The following IQCN variants were observed in gnomAD, a reference collection of about 807,000 sequenced individuals.
The protein encoded by IQCN is IQ domain-containing protein N.
In IQCN, 46 loss-of-function variants were observed where a neutral mutation model predicts 64.4. The ratio of observed to expected loss-of-function variants is 0.71; its 90% CI spans 0.56 to 0.91. The LOEUF (loss-of-function observed/expected upper bound fraction) is 0.91. Ranked by LOEUF, IQCN falls within the 40% of genes least tolerant of loss-of-function variation. The pLI is 0.00. For missense variants in IQCN, 1,753 were observed against 1,857.4 expected, an observed-to-expected ratio of 0.94 and a Z score of 1.03; for synonymous variants, 733 against 775.6, an observed-to-expected ratio of 0.95 and a Z score of 0.91.
At chr19:18,270,080 T>TAGG (rs1969702658) in intron 1 of IQCN, among the ~76,000 whole-genome samples, 1 of 99,046 alleles carries the variant, frequency 1.0e-5, no homozygotes, top group Non-Finnish European at 1.9e-5. Flanking sequence ...AAAAAAAAAT[T>TAGG]GGCCAGGCGT....
chr19:18,263,217 T>TTGAC (rs917280423), intron 3 of IQCN, among the ~76,000 whole-genome samples: 1 of 152,232 alleles, frequency 6.6e-6, no homozygotes, highest in African/African-American at 2.4e-5. Context: ...ATCTATCTTG[T>TTGAC]TGACGGCAGG....
Position 18,266,951 on chromosome 19 carries a change from A to G in IQCN, c.589T>C (p.Cys197Arg), listed in dbSNP as rs12609001. The G allele has an allele frequency of 0.15, 236,233 of 1,611,858 alleles. 18,841 individuals carry two copies. Among genetic ancestry groups the G allele is most frequent in the East Asian group, 0.29 (13,149 of 44,832 alleles). Residue 197 changes from cysteine to arginine, a missense_variant, in exon 3 of 4, where the codon TGT (cysteine) becomes CGT (arginine). Cys to Arg is a radical substitution (Grantham distance 180). Coordinates refer to ENST00000392413, the MANE Select transcript of IQCN (RefSeq NM_001145304.2). The surrounding 1 kb of genome is among the most constrained non-coding windows in gnomAD (Gnocchi z 4.3). ...GGTCTGCAGAGGACCAGATTGTCAC[A>G]GGAAGGGAACTGGGTCTCCTTGTTC... is the stretch of plus-strand genomic sequence containing the variant. Reference protein sequence around the residue: ...MVNKETQFPSCDNLVLCRPQS... With the variant: ...MVNKETQFPSRDNLVLCRPQS...
At position 18,265,452 on chromosome 19, in the gene IQCN, C is replaced by A; in HGVS notation, c.2088G>T (p.Leu696=). 1.2e-6 allele frequency: 2 copies of A among 1,613,902 alleles called. No homozygotes were observed. Among genetic ancestry groups the A allele is most frequent in the Non-Finnish European group, 1.7e-6 (2 of 1,179,858 alleles). ...PLTKASSQGH[L]PTELTKTPSL... ...ATGGGGTCTTGGTCAGCTCAGTGGG[C>A]AGATGTCCCTGAGATGAGGCCTTGG... The change falls in exon 3 of 4, where the codon CTG becomes CTT. Residue 696 remains leucine, a synonymous_variant. Coordinates refer to ENST00000392413, the MANE Select transcript of IQCN (RefSeq NM_001145304.2). This position sits in a 1 kb window ranked among gnomAD's most constrained non-coding sequence, Gnocchi z 4.7.
intron 3 of IQCN, chr19:18,258,549 A>T (rs1349223763): frequency 2.5e-6 from 1 of 406,432 alleles, no homozygotes; most frequent in East Asian, 7.0e-5. Context: ...TGGATTGGGG[A>T]CAGCTTCTGT....
At chr19:18,272,642 G>A (rs1281496522) in intron 1 of IQCN, among the ~76,000 whole-genome samples, 6 of 142,330 alleles carry the variant, frequency 4.2e-5, no homozygotes, top group Admixed American at 7.0e-5. Flanking sequence ...ACGGAGTCTC[G>A]TTCTGTCTCC....
rs202121427 is a variant in IQCN, at chr19:18,257,884, G to T, written c.3400C>A (p.Arg1134=). ...ACCATGGCCCCCCGGTGCCACAGCC[G>T]GATCCTGCGACGCGCCAGGTAGCCA... The part of the protein sequence containing the change: ...VRGYLARRRI[R]LWHRGAMVIQ... Residue 1134 remains arginine (R), a synonymous_variant, in exon 4 of 4, where the codon CGG becomes AGG. Transcript: ENST00000392413. The T allele has an allele frequency of 8.1e-6, 13 of 1,612,378 alleles. No individual in the cohort carries two copies. Among genetic ancestry groups the T allele is most frequent in the Middle Eastern group, 1.6e-4 (1 of 6,082 alleles).
chr19:18,264,158 G>A lies in IQCN; in HGVS notation c.3177+205C>T, dbSNP rs1319481196. On this transcript the variant is annotated intron_variant, in intron 3 of 3. Coordinates refer to ENST00000392413, the MANE Select transcript of IQCN (RefSeq NM_001145304.2). The surrounding 1 kb of genome is among the most constrained non-coding windows in gnomAD (Gnocchi z 4.3). ...CCCTGCTGGACTCCATCATCTCCCG[G>A]GACAGCATGGGATACAGGCCAGTGA... 6.6e-6 allele frequency among the ~76,000 whole-genome samples: 1 copy of A among 152,086 alleles called. No homozygotes were observed. The highest frequency in any genetic ancestry group is 1.5e-5 in the Non-Finnish European group (1 of 68,016).
Position 18,265,038 on chromosome 19 carries a change from C to A in IQCN, c.2502G>T (p.Pro834=). The change falls in exon 3 of 4, where the codon CCG becomes CCT. Residue 834 remains proline, a synonymous_variant. Transcript: ENST00000392413. This position sits in a 1 kb window ranked among gnomAD's most constrained non-coding sequence, Gnocchi z 4.7. ...AACEVQGMLV[P]PMAPTGHSTC... is the part of the protein sequence containing the mutation. ...TGGAATGGCCGGTGGGTGCCATCGG[C>A]GGCACCAGCATACCCTGGACCTCAC... The A allele has an allele frequency of 1.2e-6, 2 of 1,601,190 alleles. No individual in the cohort carries two copies. Among genetic ancestry groups the A allele is most frequent in the Non-Finnish European group, 1.7e-6 (2 of 1,179,820 alleles).
rs767219841 is a variant in IQCN at position 18,267,124 on chromosome 19, C to A, written c.416G>T (p.Arg139Leu). The A allele has an allele frequency of 6.2e-7, 1 of 1,614,242 alleles. No homozygotes were observed. The highest frequency in any genetic ancestry group is 1.1e-5 in the South Asian group (1 of 91,090). Residue 139 changes from arginine to leucine, a missense_variant, in exon 3 of 4, where the codon CGC (arginine) becomes CTC (leucine). Arg to Leu is a moderately radical substitution (Grantham distance 102, BLOSUM62 -2). Transcript: ENST00000392413. ...GTGAAGGATGTGTCTCTTGTTGAAG[C>A]GCCGCCAGGCCTCCTGGATGGCCTT... ...AAKAIQEAWR[R>L]FNKRHILHSS...
chr19:18,267,332 C>T lies in IQCN; in HGVS notation c.208G>A (p.Ala70Thr). The change falls in exon 3 of 4, where the codon GCC becomes ACC. Residue 70 changes from alanine to threonine, a missense_variant. Ala to Thr is a moderately conservative substitution (Grantham distance 58). Coordinates refer to ENST00000392413, the MANE Select transcript of IQCN (RefSeq NM_001145304.2). ...KSKEHLPQQPAEGKTASRRVP... is the reference protein window; with the variant it reads ...KSKEHLPQQPTEGKTASRRVP... ...CGGCGGGACGCCGTCTTGCCTTCGGCAGGCTGTTGCGGAAGATGCTCCTTG... is the reference window on the plus strand; with the variant it reads ...CGGCGGGACGCCGTCTTGCCTTCGGTAGGCTGTTGCGGAAGATGCTCCTTG... 6.2e-7 allele frequency: 1 copy of T among 1,614,136 alleles called. No homozygotes were observed. Among genetic ancestry groups the T allele is most frequent in the Non-Finnish European group, 8.5e-7 (1 of 1,180,004 alleles).
rs780875150 is a variant in IQCN, at chr19:18,266,495, T to A, written c.1045A>T (p.Thr349Ser). 8 of 1,597,108 alleles carry A rather than the reference T, an allele frequency of 5.0e-6. No individual in the cohort carries two copies. In the East Asian group the frequency reaches 1.8e-4, roughly 36 times the overall value. The change falls in exon 3 of 4, where the codon ACC becomes TCC. Residue 349 changes from threonine (T) to serine (S), a missense_variant. Thr to Ser is a moderately conservative substitution (Grantham distance 58, BLOSUM62 1). Transcript: ENST00000392413. The surrounding 1 kb of genome is among the most constrained non-coding windows in gnomAD (Gnocchi z 4.3). The part of the protein sequence containing the change: ...LLQTYPVVSV[T>S]LPQTYPASTM... ...GACGCTGGATATGTCTGTGGCAGGGTCACGGAGACCACTGGATATGTCTGG... is the reference window on the plus strand; with the variant it reads ...GACGCTGGATATGTCTGTGGCAGGGACACGGAGACCACTGGATATGTCTGG...
At position 18,265,794 on chromosome 19, in the gene IQCN, G is replaced by A. The variant is rs568251480; in HGVS notation, c.1746C>T (p.Cys582=). The A allele has an allele frequency of 4.3e-6, 7 of 1,614,138 alleles. No individual in the cohort carries two copies. In the African/African-American group the frequency reaches 8.0e-5, roughly 18 times the overall value. ...CAGTTCCCGGATGTGGTTGAGCCAG[G>A]CACCTGATCTTCCCCTCAGCCAAAT... ...PSYLAEGKIR[C]LAQPHPGTGV... The change falls in exon 3 of 4, where the codon TGC becomes TGT. Residue 582 remains cysteine (C), a synonymous_variant. Coordinates refer to ENST00000392413, the MANE Select transcript of IQCN (RefSeq NM_001145304.2). The surrounding 1 kb of genome is among the most constrained non-coding windows in gnomAD (Gnocchi z 4.7).
Position 18,264,654 on chromosome 19 carries a change from T to G in IQCN, c.2886A>C (p.Glu962Asp). ...ATTTACCCTGCATGACCTTGGTGAG[T>G]TCCGCCCGCAGCTCGCCCCGGGACA... is the stretch of plus-strand genomic sequence containing the variant. Reference protein sequence around the residue: ...RALSRGELRAELTKVMQGKLA... With the variant: ...RALSRGELRADLTKVMQGKLA... The change falls in exon 3 of 4, where the codon GAA (glutamate) becomes GAC (aspartate). Residue 962 changes from glutamate to aspartate, a missense_variant. Glu to Asp is a conservative substitution (Grantham distance 45). Coordinates refer to ENST00000392413, the MANE Select transcript of IQCN (RefSeq NM_001145304.2). This position sits in a 1 kb window ranked among gnomAD's most constrained non-coding sequence, Gnocchi z 4.3. 6.4e-7 allele frequency: 1 copy of G among 1,551,192 alleles called. No individual in the cohort carries two copies.
At position 18,257,393 on chromosome 19, in the gene IQCN, C is replaced by T. The variant is rs550568274; in HGVS notation, c.3891G>A (p.Pro1297=). The change falls in exon 4 of 4, where the codon CCG becomes CCA. Residue 1297 remains proline (P), a synonymous_variant. Coordinates refer to ENST00000392413, the MANE Select transcript of IQCN (RefSeq NM_001145304.2). The part of the protein sequence containing the change: ...YQLAALSPRQ[P]HRQDKAATAI... ...CTGTGGCCGCTTTGTCCTGGCGATG[C>T]GGCTGCCTGGGACTCAGGGCAGCCA... 18 of 1,610,872 alleles carry T rather than the reference C, an allele frequency of 1.1e-5. No homozygotes were observed. The highest frequency in any genetic ancestry group is 4.4e-5 in the South Asian group (4 of 90,970).
At chr19:18,258,594 G>C (rs1969365546) in intron 3 of IQCN, 2 of 362,306 alleles carry the variant, frequency 5.5e-6, no homozygotes, top group Non-Finnish European at 1.1e-5. Context: ...TCTAGCCGAG[G>C]ACGGATATAG....
chr19:18,273,231 C>CA (rs1969779919), intron 1 of IQCN, among the ~76,000 whole-genome samples: 1 of 151,304 alleles, frequency 6.6e-6, no homozygotes, highest in Non-Finnish European at 1.5e-5. Flanking sequence ...GGGGTTTCGC[C>CA]ATGTTGGCCA....
At chr19:18,272,876 C>G (rs1360358828) in intron 1 of IQCN, among the ~76,000 whole-genome samples, 1 of 152,018 alleles carries the variant, frequency 6.6e-6, no homozygotes, top group African/African-American at 2.4e-5. Context: ...TCCCAAAGTG[C>G]TGGGATTACA....
intron 1 of IQCN, among the ~76,000 whole-genome samples, chr19:18,273,854 CA>C (rs1969795572): frequency 6.6e-6 from 1 of 152,154 alleles, no homozygotes; most frequent in Non-Finnish European, 1.5e-5. Flanking sequence ...GAAGAAGGAA[CA>C]GGGGCCCCCT....
At position 18,258,050 on chromosome 19, in the gene IQCN, T is replaced by G; in HGVS notation, c.3234A>C (p.Pro1078=). ...TGTCCCAGGACGCAGCACCCCTGGC[T>G]GGCTCCCATGCGCGGTTCCACGATT... ...GGQSWNRAWE[P]ARGAASWDTW... is the part of the protein sequence containing the mutation. Residue 1078 remains proline, a synonymous_variant, in exon 4 of 4, where the codon CCA becomes CCC. Coordinates refer to ENST00000392413, the MANE Select transcript of IQCN (RefSeq NM_001145304.2). The G allele has an allele frequency of 6.2e-7, 1 of 1,612,688 alleles. No individual in the cohort carries two copies. Among genetic ancestry groups the G allele is most frequent in the Non-Finnish European group, 8.5e-7 (1 of 1,180,004 alleles).
Sources: allele counts gnomAD v4.1 joint callset (sites outside exome capture counted in the v4.1 genomes callset), GRCh38; gene constraint gnomAD v4.1.1; non-coding constraint Gnocchi (gnomAD v3.1); transcripts MANE v1.5; gene names NCBI Gene and HGNC (gene_info 2026-07-23, HGNC 2026-07-21).